Variants in MGST2 observed in about 807,000 individuals in gnomAD.
The protein encoded by MGST2 is microsomal glutathione S-transferase 2.
In MGST2, 9 loss-of-function variants were observed where a neutral mutation model predicts 16.6. The observed-to-expected ratio is 0.54, with a 90% CI of 0.33 to 0.95. MGST2 has a LOEUF of 0.95. Ranked by LOEUF, MGST2 falls within the 40% of genes least tolerant of loss-of-function variation. MGST2 has a pLI of 0.03. For missense variants in MGST2, 159 were observed against 175.1 expected (o/e 0.91, Z 0.52); for synonymous variants, 79 against 68.0 (o/e 1.16, Z -0.79).
intron 5 of MGST2, among the ~76,000 whole-genome samples, chr4:139,734,303 C>A (rs1279094590): frequency 1.3e-5 from 2 of 152,208 alleles, no homozygotes; most frequent in Non-Finnish European, 1.5e-5. Context: ...TTAGAGAAAA[C>A]CAGGCTGAGC....
chr4:139,707,793 T>G (rs1727579288), downstream of MGST2, among the ~76,000 whole-genome samples: 1 of 152,182 alleles, frequency 6.6e-6, no homozygotes, highest in African/African-American at 2.4e-5. Flanking sequence ...GATTTGCATT[T>G]CTCTGATGGC....
chr4:139,669,614 G>A (rs1393523979), intron 1 of MGST2, among the ~76,000 whole-genome samples: 1 of 152,244 alleles, frequency 6.6e-6, no homozygotes, highest in Non-Finnish European at 1.5e-5. Flanking sequence ...TGGAGAGGTA[G>A]AGACAGGGTG....
At chr4:139,685,929 G>T (rs8192086) in intron 2 of MGST2, among the ~76,000 whole-genome samples, 1 of 152,156 alleles carries the variant, frequency 6.6e-6, no homozygotes, top group African/African-American at 2.4e-5. Context: ...CTCCCAAAGT[G>T]CTGGGATTAC....
At chr4:139,678,908 C>G in intron 2 of MGST2, 1 of 534,716 alleles carries the variant, frequency 1.9e-6, no homozygotes, top group Non-Finnish European at 3.4e-6. Context: ...CTGTGTCTCC[C>G]AAGGAGGGTC....
At chr4:139,669,025 A>T (rs1730523219) in intron 1 of MGST2, among the ~76,000 whole-genome samples, 1 of 152,138 alleles carries the variant, frequency 6.6e-6, no homozygotes, top group African/African-American at 2.4e-5. Context: ...GGGGGCTTAC[A>T]AAATGGTGTA....
intron 3 of MGST2, among the ~76,000 whole-genome samples, chr4:139,698,872 A>G (rs938149715): frequency 1.3e-5 from 2 of 149,966 alleles, no homozygotes; most frequent in African/African-American, 2.5e-5. Context: ...TTATCTTGCA[A>G]TGGTGGTCAA....
chr4:139,678,664 C>A, intron 2 of MGST2, 22 bp downstream of exon 2: 1 of 1,550,144 alleles, frequency 6.5e-7, no homozygotes. Context: ...TTCTTCCACC[C>A]TTCATGGATC....
chr4:139,754,189 G>A, the MGST2 span, among the ~76,000 whole-genome samples: 28 of 152,262 alleles, frequency 1.8e-4, no homozygotes, highest in African/African-American at 6.7e-4. Context: ...GCAAAACAAA[G>A]GTGTATTAGG....
Position 139,678,659 on chromosome 4 carries a change from C to G in MGST2, c.158+17C>G. The G allele has an allele frequency of 6.4e-7, 1 of 1,573,638 alleles. No individual in the cohort carries two copies. Among genetic ancestry groups the G allele is most frequent in the Non-Finnish European group, 8.7e-7 (1 of 1,143,314 alleles). Reference sequence around the variant, plus strand: ...TCGGGCACAGTAAGTAATGCTTCTTCCACCCTTCATGGATCTGTGCCTGCC... The same window carrying G: ...TCGGGCACAGTAAGTAATGCTTCTTGCACCCTTCATGGATCTGTGCCTGCC... On this transcript the variant is annotated intron_variant, in intron 2 of 4. Transcript: ENST00000265498.
At position 139,702,844 on chromosome 4, in the gene MGST2, GTTTTTTTT is replaced by G. The variant is rs70943436; in HGVS notation, c.230-592_230-585del. Among the ~76,000 whole-genome samples the G allele has an allele frequency of 5.6e-4, 26 of 46,452 alleles. 1 individual carries two copies. The South Asian group carries it at 5.8e-3, about 10-fold the overall frequency. The allele number at this position is 46,452 out of a possible 152,430, so 30.5% of individuals were successfully genotyped here. On this transcript the variant is annotated intron_variant, in intron 3 of 4. Transcript: ENST00000265498. ...TCCTCACCAACATTTTGTGTTACTG[GTTTTTTTT>G]TTTTTTTTTTTTTTTTTTACAATTT...
chr4:139,718,933 C>T (rs532107448), intron 5 of MGST2: 6 of 180,782 alleles, frequency 3.3e-5, no homozygotes, highest in Middle Eastern at 2.7e-3. Flanking sequence ...TGCTGTCTCC[C>T]GACCTGGGGC....
chr4:139,752,652 A>C, the MGST2 span, among the ~76,000 whole-genome samples: 1 of 152,126 alleles, frequency 6.6e-6, no homozygotes, highest in South Asian at 2.1e-4. Flanking sequence ...ATAATAAAAA[A>C]CCTTTACCAC....
At chr4:139,729,425 G>C (rs1325185236) in intron 5 of MGST2, among the ~76,000 whole-genome samples, 1 of 152,102 alleles carries the variant, frequency 6.6e-6, no homozygotes, top group Non-Finnish European at 1.5e-5. Context: ...TTCGAGACCA[G>C]CCTGGTCAAC....
rs562001855 is a variant in MGST2 at position 139,736,744 on chromosome 4, C to T, written c.*49-3468C>T. On this transcript the variant is annotated intron_variant, in intron 5 of 5. Transcript: ENST00000616265. ...GCAAATTCCCAGGCTCCCCTCTAGGCCTCCTGAATTAGAACTTTTGGGGGT... is the reference window on the plus strand; with the variant it reads ...GCAAATTCCCAGGCTCCCCTCTAGGTCTCCTGAATTAGAACTTTTGGGGGT... Among the ~76,000 whole-genome samples, 4 of 152,276 alleles carry T rather than the reference C, an allele frequency of 2.6e-5. No homozygotes were observed. The South Asian group carries it at 6.2e-4, about 24-fold the overall frequency.
intron 1 of MGST2, among the ~76,000 whole-genome samples, chr4:139,669,956 C>T (rs1730582613): frequency 6.6e-6 from 1 of 152,080 alleles, no homozygotes; most frequent in Non-Finnish European, 1.5e-5. Flanking sequence ...ATTTGATTGG[C>T]CAGAGGGGTA....
chr4:139,693,869 G>C (rs1726761853), intron 2 of MGST2, among the ~76,000 whole-genome samples: 1 of 152,186 alleles, frequency 6.6e-6, no homozygotes, highest in Non-Finnish European at 1.5e-5. Context: ...TTTTTTAGGG[G>C]ACTGATGGTC....
At chr4:139,690,387 T>C (rs921918910) in intron 2 of MGST2, among the ~76,000 whole-genome samples, 4 of 152,206 alleles carry the variant, frequency 2.6e-5, no homozygotes, top group Admixed American at 2.6e-4. Flanking sequence ...ATGATCCTTC[T>C]GTCTCTGCCT....
In MGST2 at chr4:139,666,294, C is replaced by T. The variant is rs8192006; in HGVS notation, c.58+217C>T. Among the ~76,000 whole-genome samples, 735 of 152,168 alleles carry T rather than the reference C, an allele frequency of 4.8e-3. 6 individuals carry two copies. Among genetic ancestry groups the T allele is most frequent in the Non-Finnish European group, 4.7e-3 (322 of 68,002 alleles). ...CCCAGGGGCAAGCAGAGACTGAGAACATTCCAGAGATTAGTTCTCCCAACT... is the reference window on the plus strand; with the variant it reads ...CCCAGGGGCAAGCAGAGACTGAGAATATTCCAGAGATTAGTTCTCCCAACT... On this transcript the variant is annotated intron_variant, in intron 1 of 4. Coordinates refer to ENST00000265498, the MANE Select transcript of MGST2 (RefSeq NM_002413.5).
rs925267733 is a variant in MGST2, at chr4:139,715,892, C to T, written c.*48+11696C>T. Among the ~76,000 whole-genome samples the T allele has an allele frequency of 2.0e-5, 3 of 152,118 alleles. No homozygotes were observed. Among genetic ancestry groups the T allele is most frequent in the Admixed American group, 6.6e-5 (1 of 15,266 alleles). On this transcript the variant is annotated intron_variant, in intron 5 of 5. Transcript: ENST00000616265. This position sits in a 1 kb window ranked among gnomAD's most constrained non-coding sequence, Gnocchi z 4.4. ...ATCCTGTGACTTAGAATGCCTTAAC[C>T]GTCTGGGAATGCAGCCCAGTAGGTT...
Sources: allele counts gnomAD v4.1 joint callset (sites outside exome capture counted in the v4.1 genomes callset), GRCh38; gene constraint gnomAD v4.1.1; non-coding constraint Gnocchi (gnomAD v3.1); transcripts MANE v1.5; gene names NCBI Gene and HGNC (gene_info 2026-07-23, HGNC 2026-07-21).